The following MYH13 variants were observed in gnomAD, a reference collection of about 807,000 sequenced individuals.
MYH13 encodes the protein myosin-13.
A neutral mutation model predicts 232.1 loss-of-function variants in MYH13; 177 were observed. That is an observed-to-expected ratio of 0.76 (90% CI 0.67 to 0.86). The LOEUF is 0.86. Ranked by LOEUF, MYH13 falls within the 40% of genes least tolerant of loss-of-function variation. The probability of loss-of-function intolerance (pLI) is 0.00; values close to 1 mark genes in which losing one functional copy is unlikely to be tolerated. For missense variants in MYH13, 2,246 were observed against 2,405.9 expected, an observed-to-expected ratio of 0.93 and a Z score of 1.39; for synonymous variants, 884 against 923.5, an observed-to-expected ratio of 0.96 and a Z score of 0.78.
At chr17:10,357,465 G>T (rs971482445) in intron 8 of MYH13, among the ~76,000 whole-genome samples, 2 of 152,126 alleles carry the variant, frequency 1.3e-5, no homozygotes, top group African/African-American at 4.8e-5. Context: ...ATCTCTAATT[G>T]TGGGATTTGA....
rs199946468 is a variant in MYH13, at chr17:10,309,644, C to A, written c.4843G>T (p.Ala1615Ser). 4.0e-4 allele frequency: 643 copies of A among 1,611,920 alleles called. 4 individuals carry two copies. Among genetic ancestry groups the A allele is most frequent in the Admixed American group, 7.5e-4 (45 of 59,764 alleles). Reference sequence around the variant, plus strand: ...TCCATCTTCTTCTTTAGCCTCAGGGCGTCGTTCCGGCTGCGGATTTCAGCA... The same window carrying A: ...TCCATCTTCTTCTTTAGCCTCAGGGAGTCGTTCCGGCTGCGGATTTCAGCA... ...LDAEIRSRND[A>S]LRLKKKMEGD... The change falls in exon 34 of 41, where the codon GCC becomes TCC. Residue 1615 changes from alanine to serine, a missense_variant. Transcript: ENST00000252172.
At chr17:10,344,151 C>A (rs1396015959) in intron 15 of MYH13, 42 bp from the exon 16 acceptor site, 1 of 1,593,802 alleles carries the variant, frequency 6.3e-7, no homozygotes, top group African/African-American at 1.4e-5. Flanking sequence ...TAGTGCATAC[C>A]CATGCTTCAT....
chr17:10,319,172 A>T lies in MYH13; in HGVS notation c.3356T>A (p.Ile1119Lys). The change falls in exon 27 of 41, where the codon ATA (isoleucine) becomes AAA (lysine). Residue 1119 changes from isoleucine to lysine, a missense_variant. Coordinates refer to ENST00000252172, the MANE Select transcript of MYH13 (RefSeq NM_003802.3). ...TTCAATTTCCTCCTCCAGCTCTTCTATGCGGGCCTGAAAGGATTACTCTAT... is the reference window on the plus strand; with the variant it reads ...TTCAATTTCCTCCTCCAGCTCTTCTTTGCGGGCCTGAAAGGATTACTCTAT... ...QKKIKELQAR[I>K]EELEEEIEAE... 1 of 1,613,574 alleles carries T rather than the reference A, an allele frequency of 6.2e-7. No homozygotes were observed. The highest frequency in any genetic ancestry group is 2.2e-5 in the East Asian group (1 of 44,866).
At chr17:10,363,028 T>C (rs1285278984) in intron 3 of MYH13, among the ~76,000 whole-genome samples, 1 of 152,152 alleles carries the variant, frequency 6.6e-6, no homozygotes, top group Non-Finnish European at 1.5e-5. Flanking sequence ...CCATAATTAT[T>C]TGTACCTCTG....
rs951843583 is a variant in MYH13 at position 10,309,405 on chromosome 17, C to T, written c.4998G>A (p.Arg1666=). The change falls in exon 35 of 41, where the codon AGG becomes AGA. Residue 1666 remains arginine, a synonymous_variant. Coordinates refer to ENST00000252172, the MANE Select transcript of MYH13 (RefSeq NM_003802.3). ...GCTGCTCCTTGAGGTCCTCATTGCT[C>T]CTCAGGGCGTCATCGAGATGCAGCT... is the stretch of plus-strand genomic sequence containing the variant. ...DSQLHLDDAL[R]SNEDLKEQLA... 1.2e-6 allele frequency: 2 copies of T among 1,608,964 alleles called. No individual in the cohort carries two copies. Among genetic ancestry groups the T allele is most frequent in the Non-Finnish European group, 1.7e-6 (2 of 1,177,692 alleles).
At chr17:10,357,064 G>A (rs2071754912) in intron 8 of MYH13, among the ~76,000 whole-genome samples, 1 of 152,074 alleles carries the variant, frequency 6.6e-6, no homozygotes, top group Admixed American at 6.5e-5. Flanking sequence ...GGGTTCAAGC[G>A]ATTCTCCTGC....
chr17:10,320,039 T>A, intron 26 of MYH13, 114 bp downstream of exon 26: 2 of 774,746 alleles, frequency 2.6e-6, no homozygotes, highest in East Asian at 5.4e-5. Flanking sequence ...GGACATCTTC[T>A]CTAGCTTTAG....
intron 12 of MYH13, among the ~76,000 whole-genome samples, chr17:10,347,679 A>C (rs943471758): frequency 6.7e-6 from 1 of 149,726 alleles, no homozygotes; most frequent in African/African-American, 2.5e-5. Flanking sequence ...CTCATCAAAA[A>C]GGCAGAGAAA....
intron 12 of MYH13, among the ~76,000 whole-genome samples, chr17:10,349,276 T>A (rs1239732810): frequency 2.0e-5 from 3 of 152,010 alleles, no homozygotes; most frequent in Non-Finnish European, 4.4e-5. Flanking sequence ...CTAATTTGTA[T>A]TTTTAGTAGA....
rs532166398 is a variant in MYH13, at chr17:10,357,702, G to T, written c.738+33C>A. ...GCATTTCAGGAGAGGGTATGCTTTT[G>T]GGAGGATACTTGAAAATTGGGCCGG... On this transcript the variant is annotated intron_variant, in intron 8 of 40. Transcript: ENST00000252172. 1.8e-5 allele frequency: 28 copies of T among 1,590,086 alleles called. 1 individual carries two copies. Among genetic ancestry groups the T allele is most frequent in the East Asian group, 4.5e-5 (2 of 44,744 alleles).
Position 10,324,272 on chromosome 17 carries a change from A to G in MYH13, c.2692-8T>C. The G allele has an allele frequency of 5.6e-6, 9 of 1,612,866 alleles. No homozygotes were observed. The highest frequency in any genetic ancestry group is 6.8e-6 in the Non-Finnish European group (8 of 1,179,576). On this transcript the variant is annotated splice_polypyrimidine_tract_variant and splice_region_variant and intron_variant, in intron 22 of 40. Transcript: ENST00000252172. ...CATCAGATTTTCTGTTTCCTGAAAG[A>G]ACCAGGTCATTTTATGTTTTGATTG...
chr17:10,310,861 G>A (rs1429746239), intron 33 of MYH13, among the ~76,000 whole-genome samples: 1 of 152,224 alleles, frequency 6.6e-6, no homozygotes, highest in East Asian at 1.9e-4. Context: ...TGCTTCCTGA[G>A]AGGAAGACAT....
chr17:10,301,355 C>T (rs1253153724), intron 40 of MYH13, among the ~76,000 whole-genome samples: 1 of 152,128 alleles, frequency 6.6e-6, no homozygotes, highest in Non-Finnish European at 1.5e-5. Flanking sequence ...CCATGGGACT[C>T]CCCCGGGGCT....
chr17:10,313,308 C>T lies in MYH13; in HGVS notation c.4031G>A (p.Cys1344Tyr), dbSNP rs1199347971. 6.2e-7 allele frequency: 1 copy of T among 1,614,166 alleles called. No individual in the cohort carries two copies. The highest frequency in any genetic ancestry group is 1.7e-5 in the Admixed American group (1 of 60,010). The change falls in exon 30 of 41, where the codon TGT becomes TAT. Residue 1344 changes from cysteine to tyrosine, a missense_variant. Cys to Tyr is a radical substitution (Grantham distance 194). Transcript: ENST00000252172. Reference protein sequence around the residue: ...AHALQSSRHDCDLLREQYEEE... With the variant: ...AHALQSSRHDYDLLREQYEEE... ...CTCATACTGTTCCCGCAGCAGGTCACAGTCGTGGCGGGAGGACTGCAGGGC... is the reference window on the plus strand; with the variant it reads ...CTCATACTGTTCCCGCAGCAGGTCATAGTCGTGGCGGGAGGACTGCAGGGC...
At chr17:10,360,104 A>T in intron 6 of MYH13, 33 bp from the exon 7 acceptor site, 2 of 1,614,010 alleles carry the variant, frequency 1.2e-6, no homozygotes, top group Non-Finnish European at 8.5e-7. Context: ...GATAAAGGAG[A>T]GTGGAAGGGA....
chr17:10,307,436 C>A (rs187599009), intron 35 of MYH13, among the ~76,000 whole-genome samples: 15 of 151,868 alleles, frequency 9.9e-5, no homozygotes, highest in African/African-American at 3.4e-4. Context: ...TAAGGGGTGA[C>A]GACAAACTGG....
rs1438771687 is a variant in MYH13, at chr17:10,332,933, A to G, written c.2174+141T>C. The G allele has an allele frequency of 4.2e-6, 3 of 710,700 alleles. No homozygotes were observed. In the African/African-American group the frequency reaches 5.3e-5, roughly 13 times the overall value. 44.0% of individuals were successfully genotyped at this position (710,700 alleles called of 1,614,324 possible). A position where few individuals can be genotyped will look rare whatever the true frequency, so the allele number is the denominator to read the frequency against. ...GCCCACTCACTGTGGGCATGGGATCAGTTCCTCTAGCAAGAGATGAAGTCT... is the reference window on the plus strand; with the variant it reads ...GCCCACTCACTGTGGGCATGGGATCGGTTCCTCTAGCAAGAGATGAAGTCT... On this transcript the variant is annotated intron_variant, in intron 19 of 40. Transcript: ENST00000252172.
chr17:10,323,441 G>T (rs1006831841), intron 23 of MYH13, among the ~76,000 whole-genome samples: 1 of 152,018 alleles, frequency 6.6e-6, no homozygotes, highest in African/African-American at 2.4e-5. Context: ...AGAAATGCTA[G>T]AAGTTTGTGA....
chr17:10,301,425 T>C, intron 40 of MYH13, 144 bp downstream of exon 40: 4 of 1,287,808 alleles, frequency 3.1e-6, no homozygotes, highest in Non-Finnish European at 4.3e-6. Flanking sequence ...CCCCTACATC[T>C]CAGGTACCTG....
Sources: allele counts gnomAD v4.1 joint callset (sites outside exome capture counted in the v4.1 genomes callset), GRCh38; gene constraint gnomAD v4.1.1; transcripts MANE v1.5; gene names NCBI Gene and HGNC (gene_info 2026-07-23, HGNC 2026-07-21).